NADK: variants seen among roughly 807,000 people sequenced by gnomAD.
The protein encoded by NADK is NAD kinase, also known as poly(P)/ATP NAD kinase.
In NADK, 22 loss-of-function variants were observed where a neutral mutation model predicts 49.8. That is an observed-to-expected ratio of 0.44 (90% CI 0.32 to 0.63). NADK has a LOEUF of 0.63. Among genes scored for constraint, NADK ranks in the 30% least tolerant of loss-of-function variants. The probability of loss-of-function intolerance (pLI) is 0.06; values close to 1 mark genes in which losing one functional copy is unlikely to be tolerated. For missense variants in NADK, 438 were observed against 609.4 expected, an observed-to-expected ratio of 0.72 and a Z score of 2.96; for synonymous variants, 268 against 253.7, an observed-to-expected ratio of 1.06 and a Z score of -0.54.
chr1:1,757,266 G>T lies in NADK; in HGVS notation c.308C>A (p.Ser103Tyr), dbSNP rs1645560676. The change falls in exon 4 of 12, where the codon TCC becomes TAC. Residue 103 changes from serine to tyrosine, a missense_variant. Ser to Tyr is a moderately radical substitution (Grantham distance 144). Coordinates refer to ENST00000341426, the MANE Select transcript of NADK (RefSeq NM_023018.5). Reference sequence around the variant, plus strand: ...CTTGATGACAAGGACGCTCTTTGGGGACTTGTTCCACGTCAGCCGCTGGCT... The same window carrying T: ...CTTGATGACAAGGACGCTCTTTGGGTACTTGTTCCACGTCAGCCGCTGGCT... ...PASQRLTWNK[S>Y]PKSVLVIKKM... The T allele has an allele frequency of 6.2e-7, 1 of 1,613,716 alleles. No homozygotes were observed. Among genetic ancestry groups the T allele is most frequent in the South Asian group, 1.1e-5 (1 of 91,070 alleles).
intron 4 of NADK, 139 bp downstream of exon 4, chr1:1,757,040 CCA>C: frequency 2.3e-6 from 3 of 1,292,218 alleles, no homozygotes; most frequent in Non-Finnish European, 3.3e-6. Context: ...CGGCAGATCC[CCA>C]CTCAGTCCCC....
Position 1,757,161 on chromosome 1 carries a change from T to TCCCCCCC in NADK, c.393+19_393+20insGGGGGGG. On this transcript the variant is annotated intron_variant, in intron 4 of 11. Coordinates refer to ENST00000341426, the MANE Select transcript of NADK (RefSeq NM_023018.5). ...AACTCCATGTGCACCCCAGGCCCCC[T>TCCCCCCC]TCCCCCCTGCCCCGCGTGCCTCCAT... The TCCCCCCC allele has an allele frequency of 1.1e-5, 3 of 262,956 alleles. No individual in the cohort carries two copies. The highest frequency in any genetic ancestry group is 1.3e-4 in the Admixed American group (2 of 15,306). The allele number at this position is 262,956 out of a possible 1,614,324, so 16.3% of individuals were successfully genotyped here.
intron 1 of NADK, among the ~76,000 whole-genome samples, chr1:1,766,690 CT>C (rs749259178): frequency 1.9e-3 from 279 of 143,134 alleles, no homozygotes; most frequent in Middle Eastern, 3.7e-3. Context: ...TTTTCTTTTT[CT>C]TTTTTTTTTT....
At chr1:1,757,148 A>ACCC in intron 4 of NADK, 33 bp downstream of exon 4, 1 of 859,202 alleles carries the variant, frequency 1.2e-6, no homozygotes, top group South Asian at 1.5e-5. Flanking sequence ...CTCCATGTGC[A>ACCC]CCCCAGGCCC....
chr1:1,755,071 G>A (rs958107968), intron 7 of NADK, among the ~76,000 whole-genome samples: 6 of 152,058 alleles, frequency 3.9e-5, no homozygotes, highest in East Asian at 1.9e-4. Flanking sequence ...CGCCCGCCTC[G>A]ACCTCCCACA....
intron 1 of NADK, among the ~76,000 whole-genome samples, chr1:1,766,452 A>G (rs1303866896): frequency 9.7e-5 from 7 of 71,972 alleles, no homozygotes; most frequent in African/African-American, 3.4e-4. Flanking sequence ...AAAAAAAAAG[A>G]CAGGCTCTTT....
chr1:1,768,171 CAAAAAAAAA>C (rs1186857370), intron 1 of NADK, among the ~76,000 whole-genome samples: 1 of 95,582 alleles, frequency 1.0e-5, no homozygotes. Flanking sequence ...AACTCCGTCT[CAAAAAAAAA>C]AAAAAAAGAA....
At chr1:1,764,519 C>A (rs1645826024) in intron 2 of NADK, among the ~76,000 whole-genome samples, 1 of 152,236 alleles carries the variant, frequency 6.6e-6, no homozygotes, top group Admixed American at 6.5e-5. Context: ...ACCAGCCCTG[C>A]TCACAGTGCA....
chr1:1,779,717 C>G (rs1180804309), upstream of NADK, among the ~76,000 whole-genome samples: 2 of 151,554 alleles, frequency 1.3e-5, no homozygotes, highest in African/African-American at 4.9e-5. Flanking sequence ...ACCATTTTGC[C>G]CAGGCTGGGT....
chr1:1,768,397 C>A (rs950894674), intron 1 of NADK, among the ~76,000 whole-genome samples: 31 of 151,902 alleles, frequency 2.0e-4, no homozygotes, highest in East Asian at 3.9e-4. Context: ...AAAACAAAAC[C>A]AAAACAAAAA....
At chr1:1,778,488 A>G (rs1314839624), upstream of NADK, 1 of 148,454 alleles carries the variant, frequency 6.7e-6, no homozygotes, top group Non-Finnish European at 1.5e-5. This position sits in a 1 kb window ranked among gnomAD's most constrained non-coding sequence, Gnocchi z 4.9. Flanking sequence ...CGCACCCGCC[A>G]CGCATGCGCG....
chr1:1,755,745 G>A, intron 6 of NADK, among the ~76,000 whole-genome samples: 1 of 152,210 alleles, frequency 6.6e-6, no homozygotes, highest in Non-Finnish European at 1.5e-5. Flanking sequence ...GGGGGAGCTG[G>A]CGAGGGCGGG....
At chr1:1,758,998 A>G in intron 3 of NADK, 1 of 1,381,088 alleles carries the variant, frequency 7.2e-7, no homozygotes. Context: ...GCTCCGGCCC[A>G]AGGGCGTGCA....
At chr1:1,757,436 G>A (rs186463864) in intron 3 of NADK, 126 bp from the exon 4 acceptor site, 52 of 811,410 alleles carry the variant, frequency 6.4e-5, no homozygotes, top group East Asian at 1.5e-4. Context: ...AAACGTGCTC[G>A]GTGGCCACGG....
At chr1:1,758,289 C>G in intron 3 of NADK, 1 of 1,512,084 alleles carries the variant, frequency 6.6e-7, no homozygotes, top group Non-Finnish European at 8.9e-7. Context: ...AACCACAACA[C>G]AGACGCCGAT....
intron 10 of NADK, 91 bp from the exon 11 acceptor site, chr1:1,753,740 G>T (rs1645409982): frequency 2.5e-6 from 3 of 1,203,886 alleles, no homozygotes; most frequent in Admixed American, 2.0e-5. Flanking sequence ...GAGGTCGAAG[G>T]TTGGGCAGCT....
chr1:1,768,374 C>CAAAACA (rs1486627004), intron 1 of NADK, among the ~76,000 whole-genome samples: 2 of 151,912 alleles, frequency 1.3e-5, no homozygotes, highest in African/African-American at 2.4e-5. Flanking sequence ...TCTGTCTCTA[C>CAAAACA]AAAACAAAAA....
rs1645564796 is a variant in NADK at position 1,757,371 on chromosome 1, A to G, written c.264-61T>C. 4 of 1,403,612 alleles carry G rather than the reference A, an allele frequency of 2.8e-6. No homozygotes were observed. The Admixed American group carries it at 6.3e-5, about 22-fold the overall frequency. The allele number at this position is 1,403,612 out of a possible 1,614,324, so 86.9% of individuals were successfully genotyped here. A position where few individuals can be genotyped will look rare whatever the true frequency, so the allele number is the denominator to read the frequency against. On this transcript the variant is annotated intron_variant, in intron 3 of 11. Coordinates refer to ENST00000341426, the MANE Select transcript of NADK (RefSeq NM_023018.5). Reference sequence around the variant, plus strand: ...GATCTCCCTCTTGCGGAAAAGGTGTATGACTTAGAAAATAAAAAAAAAAAT... The same window carrying G: ...GATCTCCCTCTTGCGGAAAAGGTGTGTGACTTAGAAAATAAAAAAAAAAAT...
intron 1 of NADK, among the ~76,000 whole-genome samples, chr1:1,773,143 AT>A (rs959588659): frequency 1.7e-4 from 25 of 147,796 alleles, no homozygotes; most frequent in African/African-American, 3.5e-4. Flanking sequence ...GTCTATGATT[AT>A]TTTTTTTTTC....
Sources: gnomAD v4.1 joint callset for allele counts (sites outside exome capture counted in the v4.1 genomes callset) on GRCh38, gnomAD v4.1.1 for gene constraint, Gnocchi (gnomAD v3.1) non-coding constraint, MANE v1.5 for transcripts, NCBI Gene and HGNC (gene_info 2026-07-23, HGNC 2026-07-21) for gene names.